The following MAP3K1 variants were observed in gnomAD, a reference collection of about 807,000 sequenced individuals.
MAP3K1 encodes the protein mitogen-activated protein kinase kinase kinase 1.
In MAP3K1, 36 loss-of-function variants were observed where a neutral mutation model predicts 144.2. That is an observed-to-expected ratio of 0.25 (90% CI 0.19 to 0.33). The LOEUF (loss-of-function observed/expected upper bound fraction) is 0.33, where lower values mean the gene tolerates loss of function less well. MAP3K1 is among the 10% of genes least tolerant of loss of function. The probability of loss-of-function intolerance (pLI) is 1.00; values close to 1 mark genes in which losing one functional copy is unlikely to be tolerated. For missense variants in MAP3K1, 1,650 were observed against 1,881.9 expected, an observed-to-expected ratio of 0.88 and a Z score of 2.28; for synonymous variants, 718 against 688.7, an observed-to-expected ratio of 1.04 and a Z score of -0.67.
intron 6 of MAP3K1, among the ~76,000 whole-genome samples, 189 bp from the exon 7 acceptor site, chr5:56,871,721 T>C (rs1445834834): frequency 2.0e-5 from 3 of 152,210 alleles, no homozygotes; most frequent in African/African-American, 7.2e-5. Flanking sequence ...AATCTATAAA[T>C]ACTCGTGTGT....
At position 56,846,239 on chromosome 5, in the gene MAP3K1, G is replaced by A. The variant is rs116069174; in HGVS notation, c.483-10361G>A. 7.2e-3 allele frequency among the ~76,000 whole-genome samples: 1,101 copies of A among 152,224 alleles called. 12 individuals are homozygous for A. The highest frequency in any genetic ancestry group is 0.025 in the African/African-American group (1,042 of 41,540). ...ATTTTTACAATTTTCATTTGCCTAT[G>A]TAAATATTACCCACATATTATAGTT... On this transcript the variant is annotated intron_variant, in intron 1 of 19. Transcript: ENST00000399503.
intron 1 of MAP3K1, among the ~76,000 whole-genome samples, chr5:56,852,448 G>A (rs768565022): frequency 1.3e-5 from 2 of 152,240 alleles, no homozygotes; most frequent in South Asian, 2.1e-4. Context: ...GGGAGTAAGC[G>A]TTCTTGAAGT....
intron 1 of MAP3K1, chr5:56,851,899 G>A (rs1449790112): frequency 6.6e-6 from 1 of 152,260 alleles, no homozygotes; most frequent in Admixed American, 6.5e-5. Context: ...GAATAAGAGG[G>A]AACTTGTCCT....
chr5:56,865,034 CTATAG>C (rs1373231701), intron 4 of MAP3K1, 100 bp downstream of exon 4: 7 of 1,120,898 alleles, frequency 6.2e-6, no homozygotes, highest in Non-Finnish European at 9.2e-6. Context: ...AATTAATTCC[CTATAG>C]TAAACAAAGT....
intron 10 of MAP3K1, among the ~76,000 whole-genome samples, chr5:56,876,007 T>C (rs1748015401): frequency 6.6e-6 from 1 of 152,154 alleles, no homozygotes; most frequent in African/African-American, 2.4e-5. Context: ...CATAGATCAT[T>C]GAGTTGTTTT....
intron 6 of MAP3K1, 60 bp from the exon 7 acceptor site, chr5:56,871,850 C>A: frequency 6.5e-7 from 1 of 1,530,218 alleles, no homozygotes; most frequent in Non-Finnish European, 9.0e-7. Flanking sequence ...GTGTTTTTAG[C>A]ATATCCGTTC....
intron 1 of MAP3K1, among the ~76,000 whole-genome samples, chr5:56,817,850 T>C (rs902054873): frequency 1.3e-5 from 2 of 152,170 alleles, no homozygotes; most frequent in African/African-American, 2.4e-5. Context: ...GTAAAAATAA[T>C]GTACTGAAAT....
Position 56,864,744 on chromosome 5 carries a change from G to A in MAP3K1, c.845G>A (p.Gly282Asp), listed in dbSNP as rs2111890390. Residue 282 changes from glycine to aspartate, a missense_variant, in exon 4 of 20, where the codon GGC (glycine) becomes GAC (aspartate). Gly to Asp is a moderately conservative substitution (Grantham distance 94, BLOSUM62 -1). Coordinates refer to ENST00000399503, the MANE Select transcript of MAP3K1 (RefSeq NM_005921.2). ...KRVSPVPFQS[G>D]RITPPRRAPS... ...AAAAATGTTGTGAAGTTTCAGAGTG[G>A]CAGAATCACACCACCCCGAAGAGCC... The A allele has an allele frequency of 6.2e-7, 1 of 1,614,004 alleles. No individual in the cohort carries two copies. The highest frequency in any genetic ancestry group is 8.5e-7 in the Non-Finnish European group (1 of 1,179,956).
chr5:56,870,129 A>G (rs1747807673), intron 6 of MAP3K1, among the ~76,000 whole-genome samples: 2 of 152,222 alleles, frequency 1.3e-5, no homozygotes, highest in Non-Finnish European at 2.9e-5. Flanking sequence ...TAGAATTAAA[A>G]AAATTAGAAG....
intron 15 of MAP3K1, among the ~76,000 whole-genome samples, chr5:56,884,135 C>T (rs1194376201): frequency 6.6e-6 from 1 of 151,858 alleles, no homozygotes; most frequent in South Asian, 2.1e-4. Flanking sequence ...AGCAACAGAG[C>T]AAGACTGTCT....
intron 17 of MAP3K1, 79 bp downstream of exon 17, chr5:56,886,142 AC>A: frequency 8.7e-7 from 1 of 1,153,686 alleles, no homozygotes; most frequent in South Asian, 1.3e-5. Flanking sequence ...AGTGGCTCAC[AC>A]CTGTAATCCC....
At chr5:56,880,972 T>C in intron 12 of MAP3K1, 111 bp from the exon 13 acceptor site, 1 of 1,093,986 alleles carries the variant, frequency 9.1e-7, no homozygotes, top group Non-Finnish European at 1.3e-6. Flanking sequence ...AGAGAAATTC[T>C]TTAAAATAGT....
intron 1 of MAP3K1, among the ~76,000 whole-genome samples, chr5:56,828,195 C>T (rs1005709376): frequency 5.9e-5 from 9 of 152,120 alleles, no homozygotes; most frequent in Admixed American, 5.9e-4. Context: ...ACATTTTCCC[C>T]TGTTATTTTG....
intron 1 of MAP3K1, among the ~76,000 whole-genome samples, chr5:56,840,097 C>A (rs1235416612): frequency 6.6e-6 from 1 of 152,146 alleles, no homozygotes. Context: ...TATTGTGTAA[C>A]TTGCCATTGA....
At position 56,875,256 on chromosome 5, in the gene MAP3K1, C is replaced by T. The variant is rs760044038; in HGVS notation, c.1911C>T (p.Ser637=). ...GAGATGTGGTGGAGGCATGCTGCAG[C>T]GTTCTGTCAATGGTCTGTGCTGACC... ...ISGDVVEACC[S]VLSMVCADPV... is the part of the protein sequence containing the mutation. Residue 637 remains serine, a synonymous_variant, in exon 10 of 20, where the codon AGC becomes AGT. Coordinates refer to ENST00000399503, the MANE Select transcript of MAP3K1 (RefSeq NM_005921.2). The T allele has an allele frequency of 3.1e-6, 5 of 1,614,074 alleles. No homozygotes were observed. The highest frequency in any genetic ancestry group is 1.1e-5 in the South Asian group (1 of 91,076).
intron 10 of MAP3K1, among the ~76,000 whole-genome samples, chr5:56,875,566 A>T (rs934730470): frequency 6.6e-6 from 1 of 152,150 alleles, no homozygotes; most frequent in Admixed American, 6.5e-5. Flanking sequence ...TTGCAGGGGT[A>T]TCCAAGGGAG....
At chr5:56,858,934 G>A (rs1747417524) in intron 2 of MAP3K1, among the ~76,000 whole-genome samples, 3 of 152,018 alleles carry the variant, frequency 2.0e-5, no homozygotes, top group Admixed American at 1.3e-4. Flanking sequence ...AGGCAAGTTT[G>A]GTGAACACAG....
intron 1 of MAP3K1, among the ~76,000 whole-genome samples, chr5:56,845,767 C>T (rs567648526): frequency 6.6e-6 from 1 of 152,110 alleles, no homozygotes; most frequent in Non-Finnish European, 1.5e-5. Context: ...ACCAAGGACA[C>T]AACAAAGGAA....
rs531377824 is a variant in MAP3K1 at position 56,815,877 on chromosome 5, G to A, written c.304G>A (p.Gly102Arg). The A allele has an allele frequency of 1.2e-3, 1,609 of 1,380,840 alleles. 42 individuals carry two copies. The South Asian group carries it at 0.023, about 20-fold the overall frequency. 85.5% of individuals were successfully genotyped at this position (1,380,840 alleles called of 1,614,324 possible). A position where few individuals can be genotyped will look rare whatever the true frequency, so the allele number is the denominator to read the frequency against. ...GGAGCCCGCGGACGCAGCGGGGAGT[G>A]GGACCGGCTTCCAGCCTGTGGCGGT... ...SPEPADAAGS[G>R]TGFQPVAVPP... Residue 102 changes from glycine to arginine, a missense_variant, in exon 1 of 20, where the codon GGG (glycine) becomes AGG (arginine). By Grantham distance (125) the Gly-to-Arg change is moderately radical. Transcript: ENST00000399503.
Sources: gnomAD v4.1 joint callset for allele counts (sites outside exome capture counted in the v4.1 genomes callset) on GRCh38, gnomAD v4.1.1 for gene constraint, MANE v1.5 for transcripts, NCBI Gene and HGNC (gene_info 2026-07-23, HGNC 2026-07-21) for gene names.